OR2L13: variants seen among roughly 807,000 people sequenced by gnomAD.
OR2L13 encodes the protein olfactory receptor 2L13.
Under a neutral mutation model 15.3 loss-of-function variants are expected in OR2L13, and 14 were observed. That is an observed-to-expected ratio of 0.91 (90% CI 0.60 to 1.43). The LOEUF (loss-of-function observed/expected upper bound fraction) is 1.43, where lower values mean the gene tolerates loss of function less well. Among genes scored for constraint, OR2L13 ranks in the 40% most tolerant of loss-of-function variants. The probability of loss-of-function intolerance (pLI) is 0.00; values close to 1 mark genes in which losing one functional copy is unlikely to be tolerated. For missense variants in OR2L13, 367 were observed against 387.9 expected, an observed-to-expected ratio of 0.95 and a Z score of 0.45; for synonymous variants, 152 against 142.9, an observed-to-expected ratio of 1.06 and a Z score of -0.45.
the OR2L13 span, among the ~76,000 whole-genome samples, chr1:248,056,779 C>T: frequency 6.7e-6 from 1 of 150,312 alleles, no homozygotes; most frequent in South Asian, 2.1e-4. Flanking sequence ...TCTTGAGTAG[C>T]TGGGACTGCT....
the OR2L13 span, among the ~76,000 whole-genome samples, chr1:248,021,308 G>C: frequency 4.6e-5 from 7 of 152,080 alleles, no homozygotes; most frequent in South Asian, 2.1e-4. Flanking sequence ...AATTTGGAAA[G>C]ATTAGTCATC....
chr1:248,002,209 G>T, the OR2L13 span, among the ~76,000 whole-genome samples: 2 of 152,012 alleles, frequency 1.3e-5, no homozygotes, highest in Non-Finnish European at 2.9e-5. Flanking sequence ...AATGTATTTG[G>T]AAATCCAAAT....
the OR2L13 span, among the ~76,000 whole-genome samples, chr1:248,067,938 G>C: frequency 3.9e-5 from 6 of 152,242 alleles, no homozygotes; most frequent in African/African-American, 1.4e-4. Flanking sequence ...CAGCGAGGCT[G>C]GGGGAGGGGC....
the OR2L13 span, among the ~76,000 whole-genome samples, chr1:248,076,693 G>C: frequency 6.6e-6 from 1 of 152,162 alleles, no homozygotes; most frequent in Non-Finnish European, 1.5e-5. Context: ...CATTGATTTT[G>C]TATCCTGAGA....
the OR2L13 span, among the ~76,000 whole-genome samples, chr1:247,981,717 A>G: frequency 7.1e-6 from 1 of 141,062 alleles, no homozygotes; most frequent in Non-Finnish European, 1.5e-5. Flanking sequence ...TGTTGAGGGC[A>G]CTGATAATGA....
At chr1:248,027,459 ACTT>A in the OR2L13 span, among the ~76,000 whole-genome samples, 1 of 151,942 alleles carries the variant, frequency 6.6e-6, no homozygotes, top group African/African-American at 2.4e-5. Context: ...CTATTTGTAC[ACTT>A]CCTCCCCTTT....
chr1:248,078,839 G>A, the OR2L13 span, among the ~76,000 whole-genome samples: 5 of 150,950 alleles, frequency 3.3e-5, no homozygotes, highest in Admixed American at 3.3e-4. Flanking sequence ...GGGCTCAAGG[G>A]CATTGTACTT....
the OR2L13 span, among the ~76,000 whole-genome samples, chr1:247,969,102 T>C: frequency 6.6e-6 from 1 of 152,238 alleles, no homozygotes; most frequent in East Asian, 1.9e-4. Flanking sequence ...CCAGTGATGA[T>C]GAGCATTTTT....
At chr1:247,966,136 A>G in the OR2L13 span, 1 of 1,614,082 alleles carries the variant, frequency 6.2e-7, no homozygotes, top group Non-Finnish European at 8.5e-7. Context: ...GTTCTATGCA[A>G]CCACTCTCTT....
chr1:248,049,324 C>T, the OR2L13 span, among the ~76,000 whole-genome samples: 1 of 152,192 alleles, frequency 6.6e-6, no homozygotes, highest in Non-Finnish European at 1.5e-5. Context: ...GAAAGAGATC[C>T]ATGCAATGCA....
At chr1:248,089,769 C>T in the OR2L13 span, among the ~76,000 whole-genome samples, 38 of 152,132 alleles carry the variant, frequency 2.5e-4, no homozygotes, top group African/African-American at 9.2e-4. Context: ...GAGGACAGAG[C>T]TCGGACAACC....
At chr1:248,062,385 T>A in the OR2L13 span, 2 of 152,240 alleles carry the variant, frequency 1.3e-5, no homozygotes, top group Admixed American at 1.3e-4. Context: ...CTTAAAAATA[T>A]CCAGTTTTGC....
the OR2L13 span, among the ~76,000 whole-genome samples, chr1:247,990,068 C>T: frequency 6.6e-6 from 1 of 152,002 alleles, no homozygotes; most frequent in Non-Finnish European, 1.5e-5. Flanking sequence ...TTTTGTTAAT[C>T]TCTTCCTTGC....
chr1:247,958,228 C>G, the OR2L13 span, among the ~76,000 whole-genome samples: 7 of 152,276 alleles, frequency 4.6e-5, no homozygotes, highest in East Asian at 1.4e-3. Context: ...GCAGGATGTT[C>G]AGTTTCCATG....
At chr1:248,038,376 G>C in the OR2L13 span, 1 of 1,613,034 alleles carries the variant, frequency 6.2e-7, no homozygotes, top group African/African-American at 1.3e-5. Flanking sequence ...TTTCCTAATG[G>C]CTCTAATTGG....
At chr1:247,990,538 A>G in the OR2L13 span, 53 of 1,568,528 alleles carry the variant, frequency 3.4e-5, no homozygotes, top group African/African-American at 1.1e-4. Context: ...AAACAAGTCT[A>G]TCTCCTTCAC....
the OR2L13 span, among the ~76,000 whole-genome samples, chr1:248,056,152 C>A: frequency 5.6e-4 from 85 of 152,054 alleles, no homozygotes; most frequent in African/African-American, 2.0e-3. Flanking sequence ...TCATTGGAAT[C>A]TTCTCTCTTT....
chr1:248,021,928 A>T, the OR2L13 span: 9 of 1,590,298 alleles, frequency 5.7e-6, no homozygotes, highest in Non-Finnish European at 7.7e-6. Context: ...TCCCTTCAGG[A>T]AGGATCGTAT....
At chr1:247,948,473 A>T in the OR2L13 span, among the ~76,000 whole-genome samples, 1 of 152,214 alleles carries the variant, frequency 6.6e-6, no homozygotes, top group East Asian at 1.9e-4. Flanking sequence ...ACAAATGTTG[A>T]TCTCATCAAA....
Sources: allele counts gnomAD v4.1 joint callset (sites outside exome capture counted in the v4.1 genomes callset), GRCh38; gene constraint gnomAD v4.1.1; transcripts MANE v1.5; gene names NCBI Gene and HGNC (gene_info 2026-07-23, HGNC 2026-07-21).